The following VAT1L variants were observed in gnomAD, a reference collection of about 807,000 sequenced individuals.
VAT1L encodes vesicle amine transport 1 like, also known as putative NADPH-dependent quinone oxidoreductase VAT1L.
VAT1L carries 34 observed loss-of-function variants against 44.1 expected under a neutral mutation model. The ratio of observed to expected loss-of-function variants is 0.77; its 90% CI spans 0.59 to 1.03. The LOEUF (loss-of-function observed/expected upper bound fraction) is 1.03. Among genes scored for constraint, VAT1L ranks in the 50% least tolerant of loss-of-function variants. The pLI is 0.00. For missense variants in VAT1L, 615 were observed against 538.8 expected, an observed-to-expected ratio of 1.14 and a Z score of -1.40; for synonymous variants, 253 against 202.2, an observed-to-expected ratio of 1.25 and a Z score of -2.13.
rs189404255 is a variant in VAT1L at position 77,954,165 on chromosome 16, T to G, written c.1078-17685T>G. 8.3e-4 allele frequency among the ~76,000 whole-genome samples: 126 copies of G among 152,340 alleles called. 2 individuals carry two copies. In the Middle Eastern group the frequency reaches 0.017, roughly 21 times the overall value. On this transcript the variant is annotated intron_variant, in intron 7 of 8. Transcript: ENST00000302536. Reference sequence around the variant, plus strand: ...ATATCCTGAAGGTTTCTTCATGCACTGAGCAGAAATCAAGTTGTTTGATAC... The same window carrying G: ...ATATCCTGAAGGTTTCTTCATGCACGGAGCAGAAATCAAGTTGTTTGATAC...
intron 1 of VAT1L, among the ~76,000 whole-genome samples, chr16:77,813,885 G>T (rs2016308041): frequency 6.6e-6 from 1 of 152,230 alleles, no homozygotes; most frequent in South Asian, 2.1e-4. Flanking sequence ...TTCTCTGCAA[G>T]GGGGAAGATA....
chr16:77,948,832 A>G (rs186799622), intron 7 of VAT1L, among the ~76,000 whole-genome samples: 15 of 152,306 alleles, frequency 9.8e-5, no homozygotes, highest in Admixed American at 5.9e-4. Context: ...CTACATATGT[A>G]ACATGAGGAT....
intron 8 of VAT1L, among the ~76,000 whole-genome samples, chr16:77,973,666 T>A (rs1468910110): frequency 5.0e-5 from 7 of 140,738 alleles, no homozygotes; most frequent in Non-Finnish European, 1.6e-5. Context: ...TGAAGCTGCA[T>A]CAGTTCTTTA....
intron 7 of VAT1L, among the ~76,000 whole-genome samples, chr16:77,938,319 G>A (rs1266044377): frequency 6.6e-6 from 1 of 152,176 alleles, no homozygotes; most frequent in Non-Finnish European, 1.5e-5. Context: ...TGTGTTGTAT[G>A]CACTTGGGAT....
chr16:77,905,122 T>A (rs934509808), intron 7 of VAT1L, among the ~76,000 whole-genome samples: 3 of 152,202 alleles, frequency 2.0e-5, no homozygotes, highest in African/African-American at 7.2e-5. Flanking sequence ...TTATAAAACA[T>A]CCCCTCTCTA....
At chr16:77,889,479 A>ACTGTGTG (rs1342081504) in intron 7 of VAT1L, among the ~76,000 whole-genome samples, 5 of 152,170 alleles carry the variant, frequency 3.3e-5, no homozygotes, top group Admixed American at 6.5e-5. Flanking sequence ...TTGAGAGCCT[A>ACTGTGTG]CTGTGTGCTG....
At chr16:77,964,541 A>C (rs964036796) in intron 7 of VAT1L, among the ~76,000 whole-genome samples, 2 of 152,078 alleles carry the variant, frequency 1.3e-5, no homozygotes, top group Non-Finnish European at 2.9e-5. Context: ...TGGGGCCCCC[A>C]GATAATGCAG....
chr16:77,830,341 G>A (rs2016565899), intron 3 of VAT1L, among the ~76,000 whole-genome samples: 1 of 152,048 alleles, frequency 6.6e-6, no homozygotes, highest in Non-Finnish European at 1.5e-5. Flanking sequence ...CTCTTGTCTG[G>A]GTAGCCTTAA....
chr16:77,811,494 A>C (rs2016265213), intron 1 of VAT1L, among the ~76,000 whole-genome samples: 1 of 152,186 alleles, frequency 6.6e-6, no homozygotes, highest in South Asian at 2.1e-4. Context: ...TCACACAATG[A>C]CAGCCTGGTG....
intron 4 of VAT1L, 22 bp from the exon 5 acceptor site, chr16:77,876,348 G>A (rs1215292005): frequency 6.2e-7 from 1 of 1,608,324 alleles, no homozygotes; most frequent in Non-Finnish European, 8.5e-7. Context: ...ACAGAATTTT[G>A]CTTTGCCTTC....
rs368994416 is a variant in VAT1L at position 77,797,558 on chromosome 16, T to G, written c.233+8643T>G. On this transcript the variant is annotated intron_variant, in intron 1 of 8. Transcript: ENST00000302536. ...CAGGGATTTCTTTGCTAGCTGGGTGTATATAGACAATCCAGCCTCTGGAGC... is the reference window on the plus strand; with the variant it reads ...CAGGGATTTCTTTGCTAGCTGGGTGGATATAGACAATCCAGCCTCTGGAGC... Among the ~76,000 whole-genome samples the G allele has an allele frequency of 2.6e-5, 4 of 152,268 alleles. No individual in the cohort carries two copies. In the East Asian group the frequency reaches 5.8e-4, roughly 22 times the overall value.
intron 7 of VAT1L, among the ~76,000 whole-genome samples, chr16:77,956,136 C>T (rs1288749022): frequency 1.3e-5 from 2 of 152,132 alleles, no homozygotes; most frequent in African/African-American, 4.8e-5. Flanking sequence ...CTGCATTCTC[C>T]ATGATGTGAT....
chr16:77,930,095 A>C (rs886171094), intron 7 of VAT1L, among the ~76,000 whole-genome samples: 2 of 152,184 alleles, frequency 1.3e-5, no homozygotes, highest in African/African-American at 4.8e-5. Flanking sequence ...CTTCCAGCCC[A>C]AACTTCGTAT....
intron 3 of VAT1L, among the ~76,000 whole-genome samples, chr16:77,834,546 G>A (rs2016617983): frequency 6.6e-6 from 1 of 152,114 alleles, no homozygotes; most frequent in South Asian, 2.1e-4. Flanking sequence ...GGTAGGTGTT[G>A]AAGTCAACCT....
chr16:77,853,538 ACAGGGAATGTGC>A (rs1181837487), intron 3 of VAT1L, among the ~76,000 whole-genome samples: 2 of 152,096 alleles, frequency 1.3e-5, no homozygotes, highest in African/African-American at 2.4e-5. Flanking sequence ...CCTCTAAATC[ACAGGGAATGTGC>A]CAGTGATTTA....
At position 77,945,278 on chromosome 16, in the gene VAT1L, C is replaced by CTTTTTTTTTTTTT. The variant is rs56055464; in HGVS notation, c.1078-26568_1078-26556dup. Reference sequence around the variant, plus strand: ...GAATGGCCAATTCCAGATTGCAGAACTTTTTTTTTTTTTTTTGAGAGAGAG... The same window carrying CTTTTTTTTTTTTT: ...GAATGGCCAATTCCAGATTGCAGAACTTTTTTTTTTTTTTTTTTTTTTTTTTTTTGAGAGAGAG... On this transcript the variant is annotated intron_variant, in intron 7 of 8. Coordinates refer to ENST00000302536, the MANE Select transcript of VAT1L (RefSeq NM_020927.3). Among the ~76,000 whole-genome samples the CTTTTTTTTTTTTT allele has an allele frequency of 2.5e-3, 206 of 83,048 alleles. 33 individuals carry two copies. The highest frequency in any genetic ancestry group is 3.7e-3 in the South Asian group (7 of 1,908). 54.5% of individuals were successfully genotyped at this position (83,048 alleles called of 152,430 possible).
rs554439549 is a variant in VAT1L, at chr16:77,877,000, C to T, written c.826+527C>T. The stretch of plus-strand genomic sequence containing the variant: ...ATGTCTGTTCTTCTTCTCCTAAACT[C>T]CTCCTGAGCGTCCCACTCTTAAGAC... On this transcript the variant is annotated intron_variant, in intron 5 of 8. Coordinates refer to ENST00000302536, the MANE Select transcript of VAT1L (RefSeq NM_020927.3). 2.6e-5 allele frequency among the ~76,000 whole-genome samples: 4 copies of T among 151,924 alleles called. No individual in the cohort carries two copies. In the East Asian group the frequency reaches 8.0e-4, roughly 30 times the overall value.
rs191665618 is a variant in VAT1L, at chr16:77,972,800, T to C, written c.1161+867T>C. Among the ~76,000 whole-genome samples, 153 of 149,612 alleles carry C rather than the reference T, an allele frequency of 1.0e-3. 2 individuals are homozygous for C. The highest frequency in any genetic ancestry group is 2.9e-3 in the African/African-American group (117 of 41,024). On this transcript the variant is annotated intron_variant, in intron 8 of 8. Transcript: ENST00000302536. ...GTCTCAAAAATGATAATAATAATAA[T>C]ATAAAATAATAAAAATAATGTAAAA...
intron 4 of VAT1L, among the ~76,000 whole-genome samples, chr16:77,870,061 C>T (rs188814563): frequency 5.6e-4 from 86 of 152,228 alleles, no homozygotes; most frequent in African/African-American, 1.9e-3. Flanking sequence ...GGTAGTATTG[C>T]GAAGTACATA....
Sources: gnomAD v4.1 joint callset for allele counts (sites outside exome capture counted in the v4.1 genomes callset) on GRCh38, gnomAD v4.1.1 for gene constraint, MANE v1.5 for transcripts, NCBI Gene and HGNC (gene_info 2026-07-23, HGNC 2026-07-21) for gene names.